RABGAP1L: variants seen among roughly 807,000 people sequenced by gnomAD.
RABGAP1L encodes the protein RAB GTPase activating protein 1 like, also known as rab GTPase-activating protein 1-like.
A neutral mutation model predicts 137.7 loss-of-function variants in RABGAP1L; 63 were observed. That is an observed-to-expected ratio of 0.46 (90% CI 0.37 to 0.56). The LOEUF (loss-of-function observed/expected upper bound fraction) is 0.56, where lower values mean the gene tolerates loss of function less well. Ranked by LOEUF, RABGAP1L falls within the 20% of genes least tolerant of loss-of-function variation. RABGAP1L has a pLI of 0.00. For missense variants in RABGAP1L, 1,095 were observed against 1,244.0 expected, an observed-to-expected ratio of 0.88 and a Z score of 1.80; for synonymous variants, 431 against 433.7, an observed-to-expected ratio of 0.99 and a Z score of 0.08.
chr1:174,323,125 G>C (rs769136732), intron 11 of RABGAP1L, among the ~76,000 whole-genome samples: 1 of 152,078 alleles, frequency 6.6e-6, no homozygotes, highest in Non-Finnish European at 1.5e-5. Flanking sequence ...CAGTTTTCAC[G>C]TCTGTCCTAC....
chr1:174,501,498 T>G (rs1661275057), intron 13 of RABGAP1L, among the ~76,000 whole-genome samples: 1 of 152,124 alleles, frequency 6.6e-6, no homozygotes, highest in African/African-American at 2.4e-5. Context: ...CTCACTTTGT[T>G]TACTTTTATT....
At chr1:174,633,403 A>G (rs1249480943) in intron 13 of RABGAP1L, among the ~76,000 whole-genome samples, 9 of 150,914 alleles carry the variant, frequency 6.0e-5, no homozygotes, top group Non-Finnish European at 8.8e-5. Flanking sequence ...CAAATGGAAG[A>G]ACATTCCATG....
In RABGAP1L at chr1:174,993,393, CTT is replaced by C. The variant is rs1246524223; in HGVS notation, c.*3393_*3394del. 2 of 150,532 alleles carry C rather than the reference CTT, an allele frequency of 1.3e-5. No individual in the cohort carries two copies. The highest frequency in any genetic ancestry group is 2.5e-5 in the African/African-American group (1 of 39,852). The allele number at this position is 150,532 out of a possible 1,614,324, so 9.3% of individuals were successfully genotyped here. On this transcript the variant is annotated 3_prime_UTR_variant, in exon 26 of 26. Transcript: ENST00000681986. Reference sequence around the variant, plus strand: ...TGTGGGGATATTTAATAGTATGTATCTTGTTTCATTTTTTTCCTATGATGTAT... The same window carrying C: ...TGTGGGGATATTTAATAGTATGTATCGTTTCATTTTTTTCCTATGATGTAT...
chr1:174,259,451 AAGTACATCT>A (rs1472275415), intron 7 of RABGAP1L, among the ~76,000 whole-genome samples: 9 of 152,360 alleles, frequency 5.9e-5, no homozygotes, highest in African/African-American at 2.2e-4. Flanking sequence ...CTTTTTAACT[AAGTACATCT>A]AGTACTAGAA....
At chr1:174,507,423 T>A (rs1661927116) in intron 13 of RABGAP1L, among the ~76,000 whole-genome samples, 2 of 152,116 alleles carry the variant, frequency 1.3e-5, no homozygotes. Flanking sequence ...AAAATAAACA[T>A]ATGTTAAAAA....
chr1:174,865,969 G>C (rs1194912584), intron 19 of RABGAP1L, among the ~76,000 whole-genome samples: 1 of 152,082 alleles, frequency 6.6e-6, no homozygotes, highest in Non-Finnish European at 1.5e-5. Context: ...AGGATAACTA[G>C]AGTGAAGTTT....
At chr1:174,774,607 C>T (rs113664961) in intron 18 of RABGAP1L, among the ~76,000 whole-genome samples, 2,353 of 151,628 alleles carry the variant, frequency 0.016, 37 homozygotes, top group Middle Eastern at 0.045. Flanking sequence ...TAGGCAGGGA[C>T]AGTACCTCAT....
intron 19 of RABGAP1L, among the ~76,000 whole-genome samples, chr1:174,939,072 T>C (rs1189116980): frequency 1.3e-5 from 2 of 152,258 alleles, no homozygotes; most frequent in Admixed American, 6.5e-5. Context: ...TGATTTACTC[T>C]GTACTTAAAA....
intron 13 of RABGAP1L, among the ~76,000 whole-genome samples, chr1:174,557,863 A>G (rs899638981): frequency 1.3e-5 from 2 of 152,262 alleles, no homozygotes; most frequent in East Asian, 3.8e-4. Context: ...TGATGCGGCC[A>G]TGGAAAGCAC....
At chr1:174,610,185 C>T (rs1671096439) in intron 13 of RABGAP1L, among the ~76,000 whole-genome samples, 1 of 149,890 alleles carries the variant, frequency 6.7e-6, no homozygotes, top group African/African-American at 2.5e-5. Flanking sequence ...AGGTATATCT[C>T]CTAATGCTAT....
chr1:174,853,551 G>A (rs1449579857), intron 19 of RABGAP1L, among the ~76,000 whole-genome samples: 1 of 152,060 alleles, frequency 6.6e-6, no homozygotes, highest in Non-Finnish European at 1.5e-5. Flanking sequence ...CTAACACGGT[G>A]AAACCCTGTC....
chr1:174,365,756 T>G (rs1684561589), intron 11 of RABGAP1L, among the ~76,000 whole-genome samples: 1 of 152,242 alleles, frequency 6.6e-6, no homozygotes, highest in Non-Finnish European at 1.5e-5. Flanking sequence ...CTCTCCATCC[T>G]TCCTCAATGC....
chr1:174,624,083 C>T (rs1382756218), intron 13 of RABGAP1L, among the ~76,000 whole-genome samples: 1 of 152,172 alleles, frequency 6.6e-6, no homozygotes, highest in African/African-American at 2.4e-5. Context: ...TCCTGGTTCT[C>T]TCTCAACTTG....
chr1:174,984,161 C>T (rs956290443), intron 24 of RABGAP1L, among the ~76,000 whole-genome samples: 5 of 151,518 alleles, frequency 3.3e-5, no homozygotes, highest in African/African-American at 1.2e-4. Flanking sequence ...AACCCATCCT[C>T]TAAGTTCCCT....
intron 14 of RABGAP1L, among the ~76,000 whole-genome samples, chr1:174,668,022 A>C (rs1381056852): frequency 2.0e-5 from 3 of 152,198 alleles, no homozygotes; most frequent in Non-Finnish European, 2.9e-5. Flanking sequence ...GACTGGGTAC[A>C]ACCAAAGATT....
At chr1:174,976,351 T>A (rs1431811500) in intron 22 of RABGAP1L, among the ~76,000 whole-genome samples, 169 bp downstream of exon 22, 2 of 149,872 alleles carry the variant, frequency 1.3e-5, no homozygotes, top group African/African-American at 4.9e-5. Context: ...ATTTCTGACA[T>A]TTTTTTTTTG....
chr1:174,432,347 A>G (rs996159019), intron 13 of RABGAP1L, among the ~76,000 whole-genome samples: 1 of 152,162 alleles, frequency 6.6e-6, no homozygotes, highest in African/African-American at 2.4e-5. Context: ...TTCTTTGTCC[A>G]GTCTGCTAGC....
At chr1:174,765,440 A>G (rs1261938418) in intron 18 of RABGAP1L, among the ~76,000 whole-genome samples, 1 of 151,848 alleles carries the variant, frequency 6.6e-6, no homozygotes, top group Non-Finnish European at 1.5e-5. Flanking sequence ...GTTGTAACAG[A>G]TATATATTTT....
intron 13 of RABGAP1L, among the ~76,000 whole-genome samples, chr1:174,421,031 A>G (rs921316560): frequency 2.6e-5 from 4 of 152,160 alleles, no homozygotes; most frequent in Middle Eastern, 3.2e-3. Context: ...CAGCTCTTTA[A>G]GGACAAGATC....
Sources: allele counts gnomAD v4.1 joint callset (sites outside exome capture counted in the v4.1 genomes callset), GRCh38; gene constraint gnomAD v4.1.1; transcripts MANE v1.5; gene names NCBI Gene and HGNC (gene_info 2026-07-23, HGNC 2026-07-21).